SPRY3: variants seen among roughly 807,000 people sequenced by gnomAD.
SPRY3 encodes sprouty RTK signaling antagonist 3, also known as protein sprouty homolog 3.
SPRY3 carries 15 observed loss-of-function variants against 20.2 expected under a neutral mutation model. That is an observed-to-expected ratio of 0.74 (90% CI 0.50 to 1.14). The LOEUF is 1.14. Ranked by LOEUF, SPRY3 falls within the 50% of genes most tolerant of loss-of-function variation. The pLI, the probability that SPRY3 is intolerant of heterozygous loss-of-function variation, is 0.00. For synonymous variants in SPRY3, 143 were observed against 136.5 expected, an observed-to-expected ratio of 1.05 and a Z score of -0.33; for missense variants, 364 against 363.9, an observed-to-expected ratio of 1.00 and a Z score of 0.00.
intron 2 of SPRY3, among the ~76,000 whole-genome samples, chrX:155,736,943 C>T (rs1010863508): frequency 6.6e-6 from 1 of 152,020 alleles, no homozygotes; most frequent in Non-Finnish European, 1.5e-5. Context: ...TTCAGTTTCA[C>T]TGATCTTTTC....
chrX:155,692,857 T>G (rs2068107547), intron 2 of SPRY3, among the ~76,000 whole-genome samples: 1 of 111,945 alleles, frequency 8.9e-6, no homozygotes, highest in Non-Finnish European at 1.9e-5. Context: ...TTTAATGACT[T>G]AATGATATGT....
chrX:155,715,196 G>A (rs1487660409), intron 2 of SPRY3, among the ~76,000 whole-genome samples: 1 of 152,094 alleles, frequency 6.6e-6, no homozygotes, highest in Non-Finnish European at 1.5e-5. Context: ...GGTCTCCCCT[G>A]AAGTCAGCAT....
intron 2 of SPRY3, among the ~76,000 whole-genome samples, chrX:155,727,282 T>A (rs1020669297): frequency 6.6e-6 from 1 of 152,140 alleles, no homozygotes; most frequent in African/African-American, 2.4e-5. Context: ...TTATGTGTCT[T>A]GGGGTTGCAC....
chrX:155,778,885 T>C (rs1569404616), downstream of SPRY3: 1 of 167,008 alleles, frequency 6.0e-6, no homozygotes, highest in Non-Finnish European at 1.5e-5. Flanking sequence ...TTAGCCTCAG[T>C]TTCTTAAAAA....
At chrX:155,693,279 G>C (rs972320732) in intron 2 of SPRY3, among the ~76,000 whole-genome samples, 17 of 111,239 alleles carry the variant, frequency 1.5e-4, no homozygotes, top group African/African-American at 4.2e-4. Flanking sequence ...GAAATATTTG[G>C]AGTTTCTGAT....
intron 2 of SPRY3, among the ~76,000 whole-genome samples, chrX:155,736,414 A>G (rs2091169872): frequency 6.6e-6 from 1 of 151,852 alleles, no homozygotes; most frequent in Non-Finnish European, 1.5e-5. Context: ...TGTATGAGAA[A>G]GTCTTTATTT....
chrX:155,661,273 CT>C lies in SPRY3; in HGVS notation c.-282+4250del, dbSNP rs1214428813. Among the ~76,000 whole-genome samples the C allele has an allele frequency of 9.0e-5, 10 of 111,667 alleles. No homozygotes were observed. The Admixed American group carries it at 9.5e-4, about 11-fold the overall frequency. ...TACTTGTCTGGGAAATACTTTATTT[CT>C]TCTTCATTTATGAAGCTTAGTTTAG... On this transcript the variant is annotated intron_variant, in intron 2 of 3. Coordinates refer to ENST00000675360, the Ensembl canonical transcript of SPRY3.
chrX:155,749,401 G>A (rs1284386093), intron 2 of SPRY3, among the ~76,000 whole-genome samples: 5 of 151,808 alleles, frequency 3.3e-5, no homozygotes, highest in African/African-American at 4.8e-5. Flanking sequence ...GTGTAAGTGT[G>A]TCTGTGTATG....
chrX:155,775,758 A>C (rs891438909), exon 4 of SPRY3: 8 of 167,228 alleles, frequency 4.8e-5, no homozygotes, highest in African/African-American at 1.9e-4. Flanking sequence ...CAAGTGCCAA[A>C]GGCAGACGTG....
chrX:155,680,418 TGA>T lies in SPRY3; in HGVS notation c.-282+23398_-282+23399del, dbSNP rs750506151. On this transcript the variant is annotated intron_variant, in intron 2 of 3. Coordinates refer to ENST00000675360, the Ensembl canonical transcript of SPRY3. ...GGCATGGGGAATAAGTCATCTAATTTGAGAGACTTTTAGGAGGTAAAATACAC... is the reference window on the plus strand; with the variant it reads ...GGCATGGGGAATAAGTCATCTAATTTGAGACTTTTAGGAGGTAAAATACAC... Among the ~76,000 whole-genome samples, 10 of 109,593 alleles carry T rather than the reference TGA, an allele frequency of 9.1e-5. No homozygotes were observed. In the South Asian group the frequency reaches 4.0e-3, roughly 43 times the overall value.
intron 2 of SPRY3, among the ~76,000 whole-genome samples, chrX:155,681,021 G>A (rs993045936): frequency 2.7e-5 from 3 of 110,954 alleles, no homozygotes; most frequent in African/African-American, 9.9e-5. Flanking sequence ...CTGTCCTTGG[G>A]CCTCTCTATT....
exon 4 of SPRY3, chrX:155,773,996 C>T (rs1190511673): frequency 6.2e-7 from 1 of 1,613,970 alleles, no homozygotes; most frequent in Non-Finnish European, 8.5e-7. Flanking sequence ...CTCTCCAGCC[C>T]TTCCCTTATT....
rs755376969 is a variant in SPRY3, at chrX:155,694,868, C to A, written c.-282+37843C>A. On this transcript the variant is annotated intron_variant, in intron 2 of 3. Transcript: ENST00000675360. ...TGGTAATGCAAGCGATGGGGAGTGG[C>A]TGTAAATACAGATGAAGCTTCACTC... is the stretch of plus-strand genomic sequence containing the variant. Among the ~76,000 whole-genome samples, 113 of 111,249 alleles carry A rather than the reference C, an allele frequency of 1.0e-3. 1 individual carries two copies. The highest frequency in any genetic ancestry group is 3.6e-3 in the Admixed American group (38 of 10,474).
chrX:155,749,595 G>A (rs1449515145), intron 2 of SPRY3, among the ~76,000 whole-genome samples: 1 of 151,828 alleles, frequency 6.6e-6, no homozygotes, highest in African/African-American at 2.4e-5. Flanking sequence ...TAATAGCAAG[G>A]ACACCAGTTT....
At chrX:155,727,297 C>T (rs1424549160) in intron 2 of SPRY3, among the ~76,000 whole-genome samples, 3 of 152,108 alleles carry the variant, frequency 2.0e-5, no homozygotes, top group Non-Finnish European at 2.9e-5. Context: ...TTGCACTTCT[C>T]GAGGAGTATC....
chrX:155,716,981 A>ATAT (rs2091027297), intron 2 of SPRY3, among the ~76,000 whole-genome samples: 3 of 63,482 alleles, frequency 4.7e-5, no homozygotes, highest in South Asian at 1.0e-3. Flanking sequence ...TAAAATACAA[A>ATAT]ATATATATAT....
chrX:155,626,250 G>T (rs1034201231), intron 1 of SPRY3, among the ~76,000 whole-genome samples: 16 of 111,362 alleles, frequency 1.4e-4, no homozygotes, highest in African/African-American at 5.2e-4. Flanking sequence ...TCCTAGAGGA[G>T]GTGAAGTGGT....
intron 1 of SPRY3, among the ~76,000 whole-genome samples, chrX:155,643,670 T>A (rs2067949069): frequency 8.9e-6 from 1 of 111,863 alleles, no homozygotes; most frequent in African/African-American, 3.2e-5. Flanking sequence ...TTGAAAATAC[T>A]GTCTTATAAT....
chrX:155,634,710 T>C (rs2067917765), intron 1 of SPRY3, among the ~76,000 whole-genome samples: 1 of 110,259 alleles, frequency 9.1e-6, no homozygotes, highest in African/African-American at 3.3e-5. Flanking sequence ...CTTTGTTCCA[T>C]AGAAGGATCC....
Sources: gnomAD v4.1 joint callset for allele counts (sites outside exome capture counted in the v4.1 genomes callset) on GRCh38, gnomAD v4.1.1 for gene constraint, MANE v1.5 for transcripts, NCBI Gene and HGNC (gene_info 2026-07-23, HGNC 2026-07-21) for gene names.